Variants in THAP5 observed in about 807,000 individuals in gnomAD.
The protein encoded by THAP5 is THAP domain containing 5.
Under a neutral mutation model 34.0 loss-of-function variants are expected in THAP5, and 26 were observed. The ratio of observed to expected loss-of-function variants is 0.77; its 90% confidence interval spans 0.56 to 1.06. THAP5 has a LOEUF of 1.06. Ranked by LOEUF, THAP5 falls within the 50% of genes least tolerant of loss-of-function variation. The probability of loss-of-function intolerance (pLI) is 0.00; values close to 1 mark genes in which losing one functional copy is unlikely to be tolerated. For missense variants in THAP5, 394 were observed against 452.8 expected (o/e 0.87, Z 1.18); for synonymous variants, 125 against 153.0 (o/e 0.82, Z 1.35).
the THAP5 span, among the ~76,000 whole-genome samples, chr7:108,549,089 TACACAC>T: frequency 0.028 from 3,779 of 136,492 alleles, 162 homozygotes; most frequent in African/African-American, 0.087. Context: ...ACATGCTTAA[TACACAC>T]ACACACACAC....
chr7:108,543,798 A>G, the THAP5 span, among the ~76,000 whole-genome samples: 1 of 152,118 alleles, frequency 6.6e-6, no homozygotes, highest in Admixed American at 6.5e-5. Flanking sequence ...CTGGCATGCA[A>G]AATTTTGTGG....
downstream of THAP5, among the ~76,000 whole-genome samples, chr7:108,550,266 T>C (rs750534767): frequency 6.6e-6 from 1 of 152,188 alleles, no homozygotes; most frequent in Non-Finnish European, 1.5e-5. Flanking sequence ...TTCTTGACCC[T>C]TTGTGTCTTT....
At chr7:108,566,638 G>A (rs1358352431) in intron 1 of THAP5, among the ~76,000 whole-genome samples, 1 of 152,042 alleles carries the variant, frequency 6.6e-6, no homozygotes, top group Non-Finnish European at 1.5e-5. Context: ...CCAATGAACT[G>A]GGAACTCCAA....
At chr7:108,548,055 C>G in the THAP5 span, among the ~76,000 whole-genome samples, 2 of 152,210 alleles carry the variant, frequency 1.3e-5, no homozygotes, top group African/African-American at 4.8e-5. Context: ...GGGAATGCTA[C>G]TGCACCTTTT....
At chr7:108,549,551 C>T (rs1475038431), downstream of THAP5, among the ~76,000 whole-genome samples, 1 of 152,232 alleles carries the variant, frequency 6.6e-6, no homozygotes, top group Non-Finnish European at 1.5e-5. Flanking sequence ...TGAGCATACA[C>T]ACACACCCTT....
the THAP5 span, among the ~76,000 whole-genome samples, chr7:108,546,847 T>C: frequency 3.3e-5 from 5 of 152,324 alleles, no homozygotes. Context: ...CCTCACTAAA[T>C]TATATTACCA....
chr7:108,559,692 A>AG (rs1864412673), downstream of THAP5, among the ~76,000 whole-genome samples: 1 of 152,200 alleles, frequency 6.6e-6, no homozygotes. Context: ...ATGGCTAGGG[A>AG]GGCCTCAGGA....
rs1189248662 is a variant in THAP5, at chr7:108,569,698, G to C, written c.-129C>G. On this transcript the variant is annotated 5_prime_UTR_variant, in exon 1 of 3. Transcript: ENST00000415914. ...GCGCTAGCATTCTGCCGGGAAAGCC[G>C]CCTCGTCTGTCGACTCACTTCCGCC... The C allele has an allele frequency of 3.2e-6, 4 of 1,263,752 alleles. No individual in the cohort carries two copies. Among genetic ancestry groups the C allele is most frequent in the Middle Eastern group, 2.7e-4 (1 of 3,706 alleles). 78.3% of individuals were successfully genotyped at this position (1,263,752 alleles called of 1,614,324 possible).
chr7:108,557,979 C>T (rs1300781502), downstream of THAP5, among the ~76,000 whole-genome samples: 6 of 152,188 alleles, frequency 3.9e-5, no homozygotes, highest in East Asian at 1.2e-3. Context: ...GGTGGAAAGG[C>T]AAAAAGGAAG....
Position 108,563,995 on chromosome 7 carries a change from T to C in THAP5, c.*196A>G. ...TTGGAAAATTATCAAGTAATAAAAC[T>C]GCTTTTCTCTCCAGCCCAACTCTCT... On this transcript the variant is annotated 3_prime_UTR_variant, in exon 3 of 3. Transcript: ENST00000415914. The C allele has an allele frequency of 4.4e-6, 2 of 457,154 alleles. No homozygotes were observed. The highest frequency in any genetic ancestry group is 3.8e-6 in the Non-Finnish European group (1 of 261,794). The allele number at this position is 457,154 out of a possible 1,614,324, so 28.3% of individuals were successfully genotyped here.
intron 1 of THAP5, among the ~76,000 whole-genome samples, chr7:108,568,003 T>TA (rs1790522215): frequency 6.6e-6 from 1 of 152,160 alleles, no homozygotes; most frequent in Non-Finnish European, 1.5e-5. Context: ...ATCTGGGAAA[T>TA]ACGGGGTTAA....
the THAP5 span, among the ~76,000 whole-genome samples, chr7:108,543,077 T>A: frequency 6.6e-6 from 1 of 151,810 alleles, no homozygotes; most frequent in Admixed American, 6.6e-5. Flanking sequence ...CAGGTGCCTG[T>A]CACCACGCCC....
Position 108,566,008 on chromosome 7 carries a change from T to A in THAP5, c.95A>T (p.Asp32Val), listed in dbSNP as rs1790479692. 1 of 1,517,558 alleles carries A rather than the reference T, an allele frequency of 6.6e-7. No individual in the cohort carries two copies. Among genetic ancestry groups the A allele is most frequent in the African/African-American group, 1.4e-5 (1 of 70,656 alleles). 94.0% of individuals were successfully genotyped at this position (1,517,558 alleles called of 1,614,324 possible). ...KLSFYPFPLH[D>V]KERLEKWLKN... Reference sequence around the variant, plus strand: ...TAACCACTTTTCCAGTCTTTCTTTGTCATGTAGAGGAAATCTGGAATTTAA... The same window carrying A: ...TAACCACTTTTCCAGTCTTTCTTTGACATGTAGAGGAAATCTGGAATTTAA... The change falls in exon 2 of 3, where the codon GAC (aspartate) becomes GTC (valine). Residue 32 changes from aspartate (D) to valine (V), a missense_variant. Coordinates refer to ENST00000415914, the MANE Select transcript of THAP5 (RefSeq NM_001130475.3).
downstream of THAP5, among the ~76,000 whole-genome samples, chr7:108,554,222 A>G (rs1274804663): frequency 1.3e-5 from 2 of 152,248 alleles, no homozygotes; most frequent in African/African-American, 4.8e-5. Flanking sequence ...ACCCAGTCTC[A>G]GGTATTTTGT....
At chr7:108,549,133 CT>C in the THAP5 span, among the ~76,000 whole-genome samples, 53,578 of 137,748 alleles carry the variant, frequency 0.39, 10,738 homozygotes, top group Middle Eastern at 0.54. Context: ...CACACAAGTA[CT>C]TTTTTTTTTT....
downstream of THAP5, among the ~76,000 whole-genome samples, chr7:108,551,289 C>T (rs1362738763): frequency 2.6e-5 from 4 of 152,068 alleles, no homozygotes; most frequent in Non-Finnish European, 5.9e-5. Context: ...GGAGGTGGGG[C>T]TTTTTGGAAG....
Position 108,565,907 on chromosome 7 carries a change from G to T in THAP5, c.196C>A (p.Leu66Ile), listed in dbSNP as rs1270908871. 1 of 1,550,088 alleles carries T rather than the reference G, an allele frequency of 6.5e-7. No homozygotes were observed. The highest frequency in any genetic ancestry group is 8.7e-7 in the Non-Finnish European group (1 of 1,146,802). Reference protein sequence around the residue: ...LCSDHFTPDSLDIRWGIRYLK... With the variant: ...LCSDHFTPDSIDIRWGIRYLK... ...TATCGAATACCCCATCTGATGTCAAGAGAGTCAGGAGTAAAATGGTCACTA... is the reference window on the plus strand; with the variant it reads ...TATCGAATACCCCATCTGATGTCAATAGAGTCAGGAGTAAAATGGTCACTA... The change falls in exon 2 of 3, where the codon CTT (leucine) becomes ATT (isoleucine). Residue 66 changes from leucine to isoleucine, a missense_variant. Leu to Ile is a conservative substitution (Grantham distance 5). Coordinates refer to ENST00000415914, the MANE Select transcript of THAP5 (RefSeq NM_001130475.3).
chr7:108,556,561 C>G lies in THAP5; in HGVS notation n.109-1702G>C, dbSNP rs73426199. On this transcript the variant is annotated intron_variant and non_coding_transcript_variant, in intron 1 of 1. Coordinates refer to the THAP5 transcript ENST00000468884. ...AAATGTCAAAGCTCTGAAACAATCT[C>G]TTTTGACTCCATGTCTCATATCCAA... Among the ~76,000 whole-genome samples, 277 of 152,346 alleles carry G rather than the reference C, an allele frequency of 1.8e-3. 2 individuals carry two copies. The highest frequency in any genetic ancestry group is 6.4e-3 in the African/African-American group (267 of 41,596).
downstream of THAP5, among the ~76,000 whole-genome samples, chr7:108,551,551 T>C (rs1864353737): frequency 6.6e-6 from 1 of 152,256 alleles, no homozygotes; most frequent in South Asian, 2.1e-4. Flanking sequence ...CATTCTGTTA[T>C]AGCAGTAGAA....
Sources: gnomAD v4.1 joint callset for allele counts (sites outside exome capture counted in the v4.1 genomes callset) on GRCh38, gnomAD v4.1.1 for gene constraint, MANE v1.5 for transcripts, NCBI Gene and HGNC (gene_info 2026-07-23, HGNC 2026-07-21) for gene names.